The following IL1RAPL2 variants were observed in gnomAD, a reference collection of about 807,000 sequenced individuals.
The protein encoded by IL1RAPL2 is X-linked interleukin-1 receptor accessory protein-like 2.
IL1RAPL2 carries 3 observed loss-of-function variants against 44.1 expected under a neutral mutation model. The observed-to-expected ratio is 0.07, with a 90% CI of 0.03 to 0.18. The LOEUF (loss-of-function observed/expected upper bound fraction) is 0.18, where lower values mean the gene tolerates loss of function less well. IL1RAPL2 is among the 10% of genes least tolerant of loss of function. The pLI is 1.00. For synonymous variants in IL1RAPL2, 181 were observed against 178.8 expected (o/e 1.01, Z -0.10); for missense variants, 391 against 496.4 (o/e 0.79, Z 2.02).
chrX:104,781,770 G>A (rs1011394125), intron 2 of IL1RAPL2, among the ~76,000 whole-genome samples: 1 of 112,277 alleles, frequency 8.9e-6, no homozygotes, highest in Non-Finnish European at 1.9e-5. Flanking sequence ...AGAAAAGCTG[G>A]CAAATGTAGT....
At chrX:104,997,051 G>C (rs2030761681) in intron 2 of IL1RAPL2, among the ~76,000 whole-genome samples, 1 of 111,157 alleles carries the variant, frequency 9.0e-6, no homozygotes, top group Middle Eastern at 4.7e-3. Flanking sequence ...AGGTAGACAG[G>C]AGTCAGTTCA....
intron 6 of IL1RAPL2, among the ~76,000 whole-genome samples, chrX:105,538,129 T>C (rs998052055): frequency 3.9e-5 from 4 of 102,021 alleles, no homozygotes; most frequent in South Asian, 4.9e-4. Context: ...CTCCGCCTCC[T>C]GGGTTCACGC....
chrX:105,376,958 T>C (rs55953345), intron 5 of IL1RAPL2, among the ~76,000 whole-genome samples: 14,003 of 111,942 alleles, frequency 0.13, 2,127 homozygotes, highest in African/African-American at 0.43. Context: ...AACAAATGCA[T>C]ATATACAGTG....
chrX:104,924,254 C>G (rs1382583750), intron 2 of IL1RAPL2, among the ~76,000 whole-genome samples: 1 of 111,562 alleles, frequency 9.0e-6, no homozygotes, highest in Non-Finnish European at 1.9e-5. Flanking sequence ...GACAAGCCAT[C>G]AAGGTAGTTG....
intron 2 of IL1RAPL2, among the ~76,000 whole-genome samples, chrX:105,026,076 G>T (rs2031367153): frequency 9.0e-6 from 1 of 110,681 alleles, no homozygotes; most frequent in Admixed American, 9.6e-5. Context: ...ATGGGCTCCA[G>T]AAACATGATA....
chrX:104,894,402 T>A (rs1348054410), intron 2 of IL1RAPL2, among the ~76,000 whole-genome samples: 1 of 112,099 alleles, frequency 8.9e-6, no homozygotes, highest in Non-Finnish European at 1.9e-5. Flanking sequence ...TCCATTCTCC[T>A]TGTCACTTTC....
chrX:105,387,121 A>G (rs1373107232), intron 5 of IL1RAPL2, among the ~76,000 whole-genome samples: 1 of 108,908 alleles, frequency 9.2e-6, no homozygotes. Flanking sequence ...GCCAAGGAAG[A>G]GTGTTACTCA....
rs1052523525 is a variant in IL1RAPL2, at chrX:105,051,290, G to T, written c.83-144185G>T. 3.9e-4 allele frequency among the ~76,000 whole-genome samples: 19 copies of T among 48,549 alleles called. No individual in the cohort carries two copies. The East Asian group carries it at 4.3e-3, about 11-fold the overall frequency. 42.2% of individuals were successfully genotyped at this position (48,549 alleles called of 115,157 possible). On this transcript the variant is annotated intron_variant, in intron 2 of 10. Coordinates refer to ENST00000372582, the MANE Select transcript of IL1RAPL2 (RefSeq NM_017416.2). The stretch of plus-strand genomic sequence containing the variant: ...CAGACACCCCGAGCCTGCAGGGACT[G>T]GGGGGTCATGTCTGCCCCTGAGGTG...
chrX:105,306,643 C>G (rs1001891739), intron 5 of IL1RAPL2, among the ~76,000 whole-genome samples: 1 of 111,381 alleles, frequency 9.0e-6, no homozygotes, highest in African/African-American at 3.3e-5. Context: ...AGATTCAGGT[C>G]ATACATCTTT....
chrX:105,072,823 T>A (rs990474960), intron 2 of IL1RAPL2, among the ~76,000 whole-genome samples: 1 of 109,627 alleles, frequency 9.1e-6, no homozygotes, highest in Non-Finnish European at 1.9e-5. Flanking sequence ...TGGTGTGTGA[T>A]GTTCCCATCT....
chrX:105,456,495 T>C (rs2036056018), intron 5 of IL1RAPL2, among the ~76,000 whole-genome samples: 1 of 111,584 alleles, frequency 9.0e-6, no homozygotes, highest in Non-Finnish European at 1.9e-5. Flanking sequence ...GTATGTTCCC[T>C]TAATACCTAG....
chrX:104,826,542 A>C (rs1921454952), intron 2 of IL1RAPL2, among the ~76,000 whole-genome samples: 1 of 111,420 alleles, frequency 9.0e-6, no homozygotes, highest in Non-Finnish European at 1.9e-5. Flanking sequence ...TTATATGGTC[A>C]ATTTTAGAAT....
At chrX:104,914,356 C>T (rs1924345418) in intron 2 of IL1RAPL2, among the ~76,000 whole-genome samples, 1 of 111,555 alleles carries the variant, frequency 9.0e-6, no homozygotes, top group Admixed American at 9.6e-5. Context: ...ACCTCATTTG[C>T]ATCTCAATGT....
rs187258212 is a variant in IL1RAPL2 at position 105,654,140 on chromosome X, C to T, written c.773-63227C>T. 6.7e-5 allele frequency among the ~76,000 whole-genome samples: 7 copies of T among 103,955 alleles called. No homozygotes were observed. The East Asian group carries it at 1.7e-3, about 25-fold the overall frequency. 90.3% of individuals were successfully genotyped at this position (103,955 alleles called of 115,157 possible). A position where few individuals can be genotyped will look rare whatever the true frequency, so the allele number is the denominator to read the frequency against. ...GCGGCTTGGCTGTGAGTTACTCATA[C>T]TTTGACCTTTGAGGTGATGGCTGAA... On this transcript the variant is annotated intron_variant, in intron 6 of 10. Transcript: ENST00000372582.
chrX:105,316,286 T>G (rs1024952555), intron 5 of IL1RAPL2, among the ~76,000 whole-genome samples: 1 of 110,543 alleles, frequency 9.0e-6, no homozygotes, highest in Admixed American at 9.7e-5. Flanking sequence ...AAAATAAAAA[T>G]AAATAAATTG....
chrX:105,069,491 T>C (rs1196572235), intron 2 of IL1RAPL2, among the ~76,000 whole-genome samples: 2 of 112,085 alleles, frequency 1.8e-5, no homozygotes, highest in African/African-American at 3.2e-5. Context: ...ACGAAAACAA[T>C]GTAGTATATT....
chrX:105,044,373 C>G (rs2031808037), intron 2 of IL1RAPL2, among the ~76,000 whole-genome samples: 1 of 110,508 alleles, frequency 9.0e-6, no homozygotes, highest in African/African-American at 3.3e-5. Flanking sequence ...CCCTAAACCC[C>G]ACTGAAATGA....
At chrX:105,763,500 C>A in intron 10 of IL1RAPL2, among the ~76,000 whole-genome samples, 1 of 110,030 alleles carries the variant, frequency 9.1e-6, no homozygotes, top group African/African-American at 3.3e-5. Flanking sequence ...CAAAAGAAAA[C>A]TTAAGAAGAG....
chrX:105,528,953 C>A (rs1043305995), intron 6 of IL1RAPL2, among the ~76,000 whole-genome samples: 1 of 110,950 alleles, frequency 9.0e-6, no homozygotes, highest in Non-Finnish European at 1.9e-5. Flanking sequence ...GTTTCCAAGC[C>A]CTTTTATTTT....
Sources: gnomAD v4.1 joint callset for allele counts (sites outside exome capture counted in the v4.1 genomes callset) on GRCh38, gnomAD v4.1.1 for gene constraint, MANE v1.5 for transcripts, NCBI Gene and HGNC (gene_info 2026-07-23, HGNC 2026-07-21) for gene names.